Variants in ELAPOR1 observed in about 807,000 individuals in gnomAD.
ELAPOR1 encodes the protein endosome-lysosome associated apoptosis and autophagy regulator 1, also known as endosome/lysosome-associated apoptosis and autophagy regulator 1.
Under a neutral mutation model 119.7 loss-of-function variants are expected in ELAPOR1, and 77 were observed. That is an observed-to-expected ratio of 0.64 (90% CI 0.54 to 0.78). The LOEUF (loss-of-function observed/expected upper bound fraction) is 0.78. Ranked by LOEUF, ELAPOR1 falls within the 30% of genes least tolerant of loss-of-function variation. The pLI is 0.00. For synonymous variants in ELAPOR1, 481 were observed against 487.2 expected (o/e 0.99, Z 0.17); for missense variants, 1,115 against 1,270.4 (o/e 0.88, Z 1.86).
Position 109,203,100 on chromosome 1 carries a change from C to T in ELAPOR1, c.*88C>T. On this transcript the variant is annotated 3_prime_UTR_variant, in exon 22 of 22. Transcript: ENST00000369939. ...TTTGGGTGCCAGCATCCTGCAACAC[C>T]CACTGCTGGAAATCTCTTCATTGTG... 1 of 814,686 alleles carries T rather than the reference C, an allele frequency of 1.2e-6. No individual in the cohort carries two copies. The highest frequency in any genetic ancestry group is 2.1e-6 in the Non-Finnish European group (1 of 479,764). The allele number at this position is 814,686 out of a possible 1,614,324, so 50.5% of individuals were successfully genotyped here.
chr1:109,185,231 G>A, intron 8 of ELAPOR1, 98 bp downstream of exon 8: 1 of 946,650 alleles, frequency 1.1e-6, no homozygotes. Flanking sequence ...CAATGACATT[G>A]GCACTAGTTA....
intron 3 of ELAPOR1, among the ~76,000 whole-genome samples, chr1:109,171,379 C>T (rs1255468763): frequency 6.6e-6 from 1 of 151,858 alleles, no homozygotes; most frequent in Non-Finnish European, 1.5e-5. Flanking sequence ...GAAAACCTGT[C>T]TCTACTAAAA....
rs906263576 is a variant in ELAPOR1 at position 109,192,709 on chromosome 1, A to G, written c.1782A>G (p.Glu594=). 1.4e-5 allele frequency: 23 copies of G among 1,613,914 alleles called. No individual in the cohort carries two copies. The highest frequency in any genetic ancestry group is 1.9e-5 in the Non-Finnish European group (23 of 1,180,018). ...CCTACTGCCGTCCCTGTGCCCTAGA[A>G]GCCTCTGATGTGGGCTCCTCCTGCA... is the stretch of plus-strand genomic sequence containing the variant. ...VASYCRPCAL[E]ASDVGSSCTS... is the part of the protein sequence containing the mutation. The change falls in exon 14 of 22, where the codon GAA becomes GAG. Residue 594 remains glutamate, a synonymous_variant. Transcript: ENST00000369939.
At chr1:109,137,160 G>A (rs1570622413) in intron 1 of ELAPOR1, among the ~76,000 whole-genome samples, 1 of 152,124 alleles carries the variant, frequency 6.6e-6, no homozygotes, top group East Asian at 1.9e-4. Context: ...ACTCTGGAGG[G>A]GTAAGTGATA....
At position 109,204,372 on chromosome 1, in the gene ELAPOR1, T is replaced by C. The variant is rs1654368944; in HGVS notation, c.*1360T>C. On this transcript the variant is annotated 3_prime_UTR_variant, in exon 22 of 22. Transcript: ENST00000369939. The stretch of plus-strand genomic sequence containing the variant: ...CCTATCTTTTTTTTAAACCTTCCAC[T>C]ATCACTCTATGACACTGAAAAGAAC... 6.6e-6 allele frequency: 1 copy of C among 152,246 alleles called. No homozygotes were observed. Among genetic ancestry groups the C allele is most frequent in the Non-Finnish European group, 1.5e-5 (1 of 68,060 alleles). The allele number at this position is 152,246 out of a possible 1,614,324, so 9.4% of individuals were successfully genotyped here. A position where few individuals can be genotyped will look rare whatever the true frequency, so the allele number is the denominator to read the frequency against.
At chr1:109,126,713 C>T (rs1648806817) in intron 1 of ELAPOR1, among the ~76,000 whole-genome samples, 1 of 152,128 alleles carries the variant, frequency 6.6e-6, no homozygotes, top group Non-Finnish European at 1.5e-5. Flanking sequence ...TCAAGTGATC[C>T]GCCTGCATTG....
At chr1:109,147,204 C>A (rs1437000076) in intron 1 of ELAPOR1, among the ~76,000 whole-genome samples, 1 of 151,948 alleles carries the variant, frequency 6.6e-6, no homozygotes, top group Non-Finnish European at 1.5e-5. Flanking sequence ...GCATGAGCCA[C>A]CACGCCTGGC....
intron 1 of ELAPOR1, among the ~76,000 whole-genome samples, chr1:109,125,631 G>A (rs901955550): frequency 4.8e-5 from 7 of 146,860 alleles, no homozygotes; most frequent in African/African-American, 1.3e-4. Context: ...TGATCTGCCC[G>A]CCTTGGCCTC....
chr1:109,194,685 C>T, intron 15 of ELAPOR1, 91 bp downstream of exon 15: 1 of 1,277,946 alleles, frequency 7.8e-7, no homozygotes, highest in Non-Finnish European at 1.1e-6. Context: ...ACCAGAAATC[C>T]TTCAGGTAGC....
chr1:109,166,155 T>C (rs1651588090), intron 3 of ELAPOR1, among the ~76,000 whole-genome samples: 1 of 152,132 alleles, frequency 6.6e-6, no homozygotes, highest in South Asian at 2.1e-4. Flanking sequence ...GACCTCGTGA[T>C]CCACCTGCCT....
intron 1 of ELAPOR1, among the ~76,000 whole-genome samples, chr1:109,150,118 TG>T (rs11366014): frequency 0.047 from 7,176 of 152,282 alleles, 208 homozygotes; most frequent in Non-Finnish European, 0.061. Flanking sequence ...ACTCACAGAC[TG>T]GACAACGTGG....
At chr1:109,148,822 C>A (rs1650348484) in intron 1 of ELAPOR1, among the ~76,000 whole-genome samples, 1 of 152,180 alleles carries the variant, frequency 6.6e-6, no homozygotes, top group Admixed American at 6.5e-5. Context: ...AGCACATCTT[C>A]AGAATATAAC....
intron 3 of ELAPOR1, among the ~76,000 whole-genome samples, chr1:109,167,864 C>T (rs1651689740): frequency 6.6e-6 from 1 of 152,168 alleles, no homozygotes; most frequent in African/African-American, 2.4e-5. Context: ...CCGCCTCAAC[C>T]TCCCAAAGTA....
intron 1 of ELAPOR1, among the ~76,000 whole-genome samples, chr1:109,119,022 C>T (rs937114851): frequency 6.6e-6 from 1 of 151,368 alleles, no homozygotes; most frequent in African/African-American, 2.4e-5. Flanking sequence ...CTCAGCCTCC[C>T]AAGTAGCTGG....
intron 1 of ELAPOR1, among the ~76,000 whole-genome samples, chr1:109,137,010 C>T (rs558290290): frequency 5.9e-5 from 9 of 152,080 alleles, no homozygotes; most frequent in Admixed American, 1.3e-4. Context: ...TCACAAAGGA[C>T]GGGGAAAAGG....
intron 1 of ELAPOR1, among the ~76,000 whole-genome samples, chr1:109,137,143 C>G (rs1348315933): frequency 6.6e-6 from 1 of 152,076 alleles, no homozygotes; most frequent in Non-Finnish European, 1.5e-5. Context: ...AGTTGCAAAC[C>G]CATGTCACTC....
At chr1:109,192,590 C>G (rs762746558) in intron 13 of ELAPOR1, 21 bp from the exon 14 acceptor site, 2 of 1,612,850 alleles carry the variant, frequency 1.2e-6, no homozygotes, top group South Asian at 2.2e-5. Flanking sequence ...CCCCTCTCCC[C>G]TCTTGTTTCC....
intron 4 of ELAPOR1, among the ~76,000 whole-genome samples, 176 bp from the exon 5 acceptor site, chr1:109,172,312 G>A (rs1015792248): frequency 6.6e-6 from 1 of 152,200 alleles, no homozygotes; most frequent in Non-Finnish European, 1.5e-5. Context: ...CATTTTGTGT[G>A]TGTGACTAAC....
intron 1 of ELAPOR1, among the ~76,000 whole-genome samples, chr1:109,158,268 G>C (rs887889248): frequency 2.0e-5 from 3 of 151,300 alleles, no homozygotes; most frequent in Admixed American, 6.6e-5. Flanking sequence ...TAGAAGGAAG[G>C]ACAGATTTCC....
Sources: gnomAD v4.1 joint callset for allele counts (sites outside exome capture counted in the v4.1 genomes callset) on GRCh38, gnomAD v4.1.1 for gene constraint, MANE v1.5 for transcripts, NCBI Gene and HGNC (gene_info 2026-07-23, HGNC 2026-07-21) for gene names.